The following PCLO variants were observed in gnomAD, a reference collection of about 807,000 sequenced individuals.
PCLO encodes the protein piccolo presynaptic cytomatrix protein.
PCLO carries 82 observed loss-of-function variants against 427.5 expected under a neutral mutation model. The observed-to-expected ratio is 0.19, with a 90% CI of 0.16 to 0.23. PCLO has a LOEUF of 0.23. Ranked by LOEUF, PCLO falls within the 10% of genes least tolerant of loss-of-function variation. The pLI, the probability that PCLO is intolerant of heterozygous loss-of-function variation, is 1.00. For synonymous variants in PCLO, 2,357 were observed against 2,155.4 expected (o/e 1.09, Z -2.59); for missense variants, 6,239 against 6,115.9 (o/e 1.02, Z -0.67).
intron 3 of PCLO, among the ~76,000 whole-genome samples, chr7:82,994,923 G>C (rs944945756): frequency 6.6e-6 from 1 of 151,938 alleles, no homozygotes; most frequent in Non-Finnish European, 1.5e-5. Flanking sequence ...AGATTATTCT[G>C]TAATTACTGG....
intron 20 of PCLO, among the ~76,000 whole-genome samples, chr7:82,815,533 G>T (rs564883060): frequency 6.6e-6 from 1 of 152,142 alleles, no homozygotes; most frequent in Admixed American, 6.6e-5. Flanking sequence ...AAAATACAGT[G>T]TGATCTATAG....
chr7:82,929,183 AAATT>A (rs1794785210), intron 6 of PCLO, among the ~76,000 whole-genome samples: 1 of 152,200 alleles, frequency 6.6e-6, no homozygotes, highest in African/African-American at 2.4e-5. Flanking sequence ...GGGGGATAAT[AAATT>A]ATTTCAACAG....
Position 83,155,945 on chromosome 7 carries a change from C to T in PCLO, c.696G>A (p.Gln232=). The T allele has an allele frequency of 1.2e-6, 2 of 1,613,846 alleles. No homozygotes were observed. The highest frequency in any genetic ancestry group is 1.7e-6 in the Non-Finnish European group (2 of 1,179,864). The change falls in exon 2 of 25, where the codon CAG becomes CAA. Residue 232 remains glutamine (Q), a synonymous_variant. Coordinates refer to ENST00000333891, the MANE Select transcript of PCLO (RefSeq NM_033026.6). ...AAGATATTGATTTGGGAGTGCCATC[C>T]TGCTGAAGCGGATCCCTACCAGGTC... ...QQGPGRDPLQ[Q]DGTPKSISSQ...
At chr7:82,929,261 A>C (rs1794786869) in intron 6 of PCLO, among the ~76,000 whole-genome samples, 1 of 152,188 alleles carries the variant, frequency 6.6e-6, no homozygotes, top group African/African-American at 2.4e-5. Context: ...CATTATTAAC[A>C]GTTGCATATA....
At chr7:82,769,336 T>A (rs949316320) in intron 22 of PCLO, among the ~76,000 whole-genome samples, 1 of 152,164 alleles carries the variant, frequency 6.6e-6, no homozygotes, top group Non-Finnish European at 1.5e-5. Context: ...ATTATGAAAA[T>A]TGTTTAGATT....
At chr7:82,833,327 C>T (rs1411512942) in intron 16 of PCLO, among the ~76,000 whole-genome samples, 1 of 152,126 alleles carries the variant, frequency 6.6e-6, no homozygotes. Context: ...TCACTTCGCT[C>T]AACAGTGTGA....
At chr7:82,868,166 G>C in intron 10 of PCLO, 1 of 456,644 alleles carries the variant, frequency 2.2e-6, no homozygotes. Flanking sequence ...TGTGTTTCTT[G>C]ATCTCCAACC....
intron 3 of PCLO, among the ~76,000 whole-genome samples, chr7:83,053,792 G>A (rs1406182208): frequency 6.6e-6 from 1 of 151,724 alleles, no homozygotes; most frequent in Non-Finnish European, 1.5e-5. Context: ...AATATTTTAT[G>A]TAACTGAAAA....
At chr7:83,108,066 ATT>A (rs1418685563) in intron 3 of PCLO, among the ~76,000 whole-genome samples, 1 of 151,672 alleles carries the variant, frequency 6.6e-6, no homozygotes, top group Non-Finnish European at 1.5e-5. Flanking sequence ...GTTTTTAAAT[ATT>A]CTTTGGCAAT....
chr7:82,831,909 A>G (rs1238956641), intron 16 of PCLO, among the ~76,000 whole-genome samples: 1 of 152,122 alleles, frequency 6.6e-6, no homozygotes, highest in African/African-American at 2.4e-5. Context: ...CTGTGTTGCC[A>G]CCTAACACAA....
intron 20 of PCLO, among the ~76,000 whole-genome samples, chr7:82,819,298 A>G (rs1295711984): frequency 6.6e-6 from 1 of 152,114 alleles, no homozygotes; most frequent in Non-Finnish European, 1.5e-5. Context: ...ATGTTTGAGA[A>G]TATCTATTAG....
chr7:83,010,877 C>A (rs190823620), intron 3 of PCLO, among the ~76,000 whole-genome samples: 1 of 152,114 alleles, frequency 6.6e-6, no homozygotes, highest in Admixed American at 6.6e-5. Context: ...CTGGTCTAGT[C>A]TCATCTATCA....
intron 9 of PCLO, among the ~76,000 whole-genome samples, chr7:82,885,789 GAAAAAA>G: frequency 7.2e-6 from 1 of 139,184 alleles, no homozygotes; most frequent in South Asian, 2.3e-4. Context: ...AGAGCAAATG[GAAAAAA>G]AAAAAAGCCC....
intron 22 of PCLO, among the ~76,000 whole-genome samples, chr7:82,782,413 A>G (rs1352961716): frequency 6.6e-6 from 1 of 152,220 alleles, no homozygotes; most frequent in Non-Finnish European, 1.5e-5. Flanking sequence ...CATGCAAACT[A>G]CTAATAATTT....
rs757650542 is a variant in PCLO at position 82,950,089 on chromosome 7, C to T, written c.10499G>A (p.Ser3500Asn). ...TTTGGTCTTGTCAGCCTCTGTCATG[C>T]TGTCACCATATTTCCCTACACGAGC... ...RKARVGKYGD[S>N]MTEADKTKPL... is the part of the protein sequence containing the mutation. Residue 3500 changes from serine to asparagine, a missense_variant, in exon 6 of 25, where the codon AGC (serine) becomes AAC (asparagine). Around this residue, in one of 5 missense-constraint regions of PCLO, gnomAD observed 4,677 missense variants for 4,468.4 expected, o/e 1.05. Transcript: ENST00000333891. The T allele has an allele frequency of 1.9e-6, 3 of 1,606,374 alleles. No homozygotes were observed. Among genetic ancestry groups the T allele is most frequent in the African/African-American group, 2.8e-5 (2 of 72,336 alleles).
chr7:82,866,248 G>A (rs1793089465), intron 10 of PCLO, among the ~76,000 whole-genome samples: 1 of 151,696 alleles, frequency 6.6e-6, no homozygotes, highest in African/African-American at 2.4e-5. Context: ...ACCTCAAATT[G>A]CAACCACATC....
chr7:82,868,283 T>G (rs1185650921), intron 10 of PCLO: 3 of 453,204 alleles, frequency 6.6e-6, no homozygotes, highest in Non-Finnish European at 1.3e-5. Context: ...GAGTGCGTCC[T>G]CTGTCCTCTA....
intron 10 of PCLO, among the ~76,000 whole-genome samples, chr7:82,855,981 G>C (rs775912353): frequency 6.6e-5 from 10 of 152,056 alleles, no homozygotes; most frequent in Admixed American, 2.0e-4. Context: ...TAGATTCTGT[G>C]ACTCTCAATG....
At chr7:82,975,184 C>T (rs1795991068) in intron 3 of PCLO, among the ~76,000 whole-genome samples, 1 of 152,040 alleles carries the variant, frequency 6.6e-6, no homozygotes, top group Non-Finnish European at 1.5e-5. Flanking sequence ...GTCAGCACTA[C>T]AAGCAATGAA....
Sources: gnomAD v4.1 joint callset for allele counts (sites outside exome capture counted in the v4.1 genomes callset) on GRCh38, gnomAD v4.1.1 for gene constraint, gnomAD v4.1.1 regional missense constraint, MANE v1.5 for transcripts, NCBI Gene and HGNC (gene_info 2026-07-23, HGNC 2026-07-21) for gene names.